The following NTSR1 variants were observed in gnomAD, a reference collection of about 807,000 sequenced individuals.
NTSR1 encodes neurotensin receptor 1.
A neutral mutation model predicts 31.2 loss-of-function variants in NTSR1; 29 were observed. The ratio of observed to expected loss-of-function variants is 0.93; its 90% CI spans 0.69 to 1.27. NTSR1 has a LOEUF of 1.27. NTSR1 is among the 50% of genes most tolerant of loss of function. The pLI, the probability that NTSR1 is intolerant of heterozygous loss-of-function variation, is 0.00. For missense variants in NTSR1, 697 were observed against 595.4 expected (o/e 1.17, Z -1.78); for synonymous variants, 282 against 269.9 (o/e 1.04, Z -0.44).
intron 1 of NTSR1, among the ~76,000 whole-genome samples, chr20:62,734,398 G>A (rs551048546): frequency 6.6e-6 from 1 of 152,274 alleles, no homozygotes; most frequent in East Asian, 1.9e-4. Flanking sequence ...CTGGAAGGAC[G>A]TGGCCCCTTG....
At chr20:62,750,882 C>G (rs1166807027) in intron 1 of NTSR1, among the ~76,000 whole-genome samples, 1 of 151,940 alleles carries the variant, frequency 6.6e-6, no homozygotes, top group Non-Finnish European at 1.5e-5. Flanking sequence ...TCAATAGATA[C>G]AAATATTTTT....
intron 1 of NTSR1, among the ~76,000 whole-genome samples, chr20:62,726,336 C>A (rs940918924): frequency 6.6e-6 from 1 of 152,228 alleles, no homozygotes; most frequent in Non-Finnish European, 1.5e-5. Context: ...GGAACTGCTG[C>A]GACTATTTGT....
chr20:62,725,280 C>T (rs1988887276), intron 1 of NTSR1, among the ~76,000 whole-genome samples: 1 of 152,370 alleles, frequency 6.6e-6, no homozygotes, highest in Non-Finnish European at 1.5e-5. Context: ...TCATTCTGGC[C>T]TCCCTGCAAG....
At chr20:62,719,443 C>T (rs1020014732) in intron 1 of NTSR1, among the ~76,000 whole-genome samples, 1 of 150,310 alleles carries the variant, frequency 6.7e-6, no homozygotes, top group African/African-American at 2.5e-5. Context: ...CCATCTCCAC[C>T]CTCCCTCTCG....
chr20:62,713,288 C>A (rs1248941585), intron 1 of NTSR1, among the ~76,000 whole-genome samples: 3 of 152,212 alleles, frequency 2.0e-5, no homozygotes, highest in Admixed American at 6.5e-5. Context: ...CTGGGTTAGA[C>A]CCCAACTCAG....
chr20:62,758,267 T>C lies in NTSR1; in HGVS notation c.918T>C (p.Arg306=), dbSNP rs1432564259. The change falls in exon 3 of 4, where the codon CGT becomes CGC. Residue 306 remains arginine, a splice_region_variant and synonymous_variant. Coordinates refer to ENST00000370501, the MANE Select transcript of NTSR1 (RefSeq NM_002531.3). This position sits in a 1 kb window ranked among gnomAD's most constrained non-coding sequence, Gnocchi z 4.5. ...QALRHGVRVL[R]AVVIAFVVCW... Reference sequence around the variant, plus strand: ...TGAGCCCACGTCTCTGTGCCTCAGGTGCAGTGGTCATCGCCTTTGTGGTCT... The same window carrying C: ...TGAGCCCACGTCTCTGTGCCTCAGGCGCAGTGGTCATCGCCTTTGTGGTCT... 1 of 1,612,742 alleles carries C rather than the reference T, an allele frequency of 6.2e-7. No individual in the cohort carries two copies. The highest frequency in any genetic ancestry group is 1.3e-5 in the African/African-American group (1 of 74,792).
Position 62,762,008 on chromosome 20 carries a change from G to A in NTSR1, c.*1741G>A, listed in dbSNP as rs1015415426. 2 of 152,346 alleles carry A rather than the reference G, an allele frequency of 1.3e-5. No homozygotes were observed. The highest frequency in any genetic ancestry group is 2.4e-5 in the African/African-American group (1 of 41,454). 9.4% of individuals were successfully genotyped at this position (152,346 alleles called of 1,614,324 possible). On this transcript the variant is annotated 3_prime_UTR_variant, in exon 4 of 4. Coordinates refer to ENST00000370501, the MANE Select transcript of NTSR1 (RefSeq NM_002531.3). ...CCAGGGAAACAGGGCCAGCACAGAG[G>A]GGCCTTCCTCCCCCACAGAGCCCCC...
chr20:62,759,272 G>A (rs1406831981), intron 3 of NTSR1, among the ~76,000 whole-genome samples: 1 of 152,196 alleles, frequency 6.6e-6, no homozygotes, highest in Non-Finnish European at 1.5e-5. Context: ...CCTGGTGAGG[G>A]AGTGAGATCA....
chr20:62,725,858 G>T (rs1030953196), intron 1 of NTSR1, among the ~76,000 whole-genome samples: 7 of 152,058 alleles, frequency 4.6e-5, no homozygotes, highest in Non-Finnish European at 8.8e-5. Flanking sequence ...GAGGAGGGAG[G>T]CTAGCAGTGC....
chr20:62,729,756 G>A (rs1488803185), intron 1 of NTSR1, among the ~76,000 whole-genome samples: 1 of 151,470 alleles, frequency 6.6e-6, no homozygotes, highest in African/African-American at 2.4e-5. Flanking sequence ...TGAGTAGCTG[G>A]GATTACAGGA....
chr20:62,717,196 C>A (rs528325185), intron 1 of NTSR1, among the ~76,000 whole-genome samples: 1 of 152,216 alleles, frequency 6.6e-6, no homozygotes, highest in African/African-American at 2.4e-5. Context: ...TGGAGTGCCA[C>A]GTGGACCTGG....
chr20:62,726,634 G>T (rs1217237324), intron 1 of NTSR1, among the ~76,000 whole-genome samples: 1 of 150,408 alleles, frequency 6.6e-6, no homozygotes, highest in East Asian at 2.0e-4. Context: ...GGTCAAGGCC[G>T]CAATGAGTCG....
intron 2 of NTSR1, chr20:62,756,603 C>T (rs1270010352): frequency 6.6e-6 from 1 of 152,288 alleles, no homozygotes; most frequent in East Asian, 1.9e-4. Context: ...GCCTTCCCTG[C>T]TCATGGGAAC....
chr20:62,759,701 G>C (rs1307248847), intron 3 of NTSR1, among the ~76,000 whole-genome samples: 7 of 151,824 alleles, frequency 4.6e-5, no homozygotes, highest in Non-Finnish European at 5.9e-5. Context: ...TGTGAACCCG[G>C]GAGGTGGAGC....
At chr20:62,749,816 C>T (rs541960337) in intron 1 of NTSR1, among the ~76,000 whole-genome samples, 66 of 152,082 alleles carry the variant, frequency 4.3e-4, no homozygotes, top group Non-Finnish European at 6.2e-4. Flanking sequence ...GACAATGTGG[C>T]GAAAAGGGGG....
chr20:62,758,171 C>T lies in NTSR1; in HGVS notation c.917-95C>T. The stretch of plus-strand genomic sequence containing the variant: ...CCTCAGGTGCAGTGGGTCTCTGAGC[C>T]CACATCTGTGTGCCTCAGGTGCAGT... On this transcript the variant is annotated intron_variant, in intron 2 of 3. Coordinates refer to ENST00000370501, the MANE Select transcript of NTSR1 (RefSeq NM_002531.3). The surrounding 1 kb of genome is among the most constrained non-coding windows in gnomAD (Gnocchi z 4.5). 7.1e-7 allele frequency: 1 copy of T among 1,407,522 alleles called. No homozygotes were observed. Among genetic ancestry groups the T allele is most frequent in the Non-Finnish European group, 9.8e-7 (1 of 1,020,728 alleles). The allele number at this position is 1,407,522 out of a possible 1,614,324, so 87.2% of individuals were successfully genotyped here.
chr20:62,731,114 C>T (rs1158613817), intron 1 of NTSR1, among the ~76,000 whole-genome samples: 2 of 151,962 alleles, frequency 1.3e-5, no homozygotes, highest in Admixed American at 6.6e-5. Flanking sequence ...GACGGAGTTT[C>T]GCTCTTGTTG....
intron 1 of NTSR1, among the ~76,000 whole-genome samples, chr20:62,727,157 G>A (rs1219157640): frequency 1.3e-5 from 2 of 152,136 alleles, no homozygotes; most frequent in African/African-American, 4.8e-5. Context: ...GCCAGGGCAG[G>A]ACACACCAGC....
At chr20:62,734,308 A>AG (rs1476201863) in intron 1 of NTSR1, among the ~76,000 whole-genome samples, 1 of 151,866 alleles carries the variant, frequency 6.6e-6, no homozygotes, top group African/African-American at 2.4e-5. Flanking sequence ...CGCAAAAAAA[A>AG]AAAAAAATCT....
Sources: gnomAD v4.1 joint callset for allele counts (sites outside exome capture counted in the v4.1 genomes callset) on GRCh38, gnomAD v4.1.1 for gene constraint, Gnocchi (gnomAD v3.1) non-coding constraint, MANE v1.5 for transcripts, NCBI Gene and HGNC (gene_info 2026-07-23, HGNC 2026-07-21) for gene names.